The following RB1CC1 variants were observed in gnomAD, a reference collection of about 807,000 sequenced individuals.
RB1CC1 encodes the protein RB1-inducible coiled-coil protein 1.
RB1CC1 carries 46 observed loss-of-function variants against 177.5 expected under a neutral mutation model. That is an observed-to-expected ratio of 0.26 (90% CI 0.20 to 0.33). RB1CC1 has a LOEUF of 0.33. Ranked by LOEUF, RB1CC1 falls within the 10% of genes least tolerant of loss-of-function variation. The pLI is 1.00. For synonymous variants in RB1CC1, 666 were observed against 613.6 expected (o/e 1.09, Z -1.26); for missense variants, 1,703 against 1,816.3 (o/e 0.94, Z 1.13).
At chr8:52,691,191 T>C (rs1208056471) in intron 1 of RB1CC1, among the ~76,000 whole-genome samples, 1 of 152,228 alleles carries the variant, frequency 6.6e-6, no homozygotes, top group Non-Finnish European at 1.5e-5. Context: ...CTGCATGATC[T>C]ACAGCCAATA....
chr8:52,635,935 G>A, intron 19 of RB1CC1, 80 bp downstream of exon 19: 1 of 1,502,658 alleles, frequency 6.7e-7, no homozygotes, highest in Non-Finnish European at 9.0e-7. Flanking sequence ...ATAGTCTATT[G>A]TATGTTTCCA....
chr8:52,646,780 T>G (rs926169411), intron 15 of RB1CC1, among the ~76,000 whole-genome samples: 1 of 152,220 alleles, frequency 6.6e-6, no homozygotes, highest in Non-Finnish European at 1.5e-5. Context: ...TTAGTTTAAC[T>G]TCTAATTAAT....
rs186651156 is a variant in RB1CC1, at chr8:52,660,693, G to A, written c.1628-36C>T. The A allele has an allele frequency of 4.2e-3, 6,536 of 1,542,068 alleles. 23 individuals are homozygous for A. The highest frequency in any genetic ancestry group is 0.011 in the Middle Eastern group (59 of 5,472). ...AAATTAACAATATGGTTATTTTAGA[G>A]CTTTATTTAAGGCAAAAAATTATCT... On this transcript the variant is annotated intron_variant, in intron 11 of 23. Coordinates refer to ENST00000025008, the MANE Select transcript of RB1CC1 (RefSeq NM_014781.5).
chr8:52,656,628 C>T lies in RB1CC1; in HGVS notation c.3201G>A (p.Lys1067=), dbSNP rs1013744146. The change falls in exon 15 of 24, where the codon AAG becomes AAA. Residue 1067 remains lysine (K), a synonymous_variant. Coordinates refer to ENST00000025008, the MANE Select transcript of RB1CC1 (RefSeq NM_014781.5). ...TTTTTATTTCATCAGTTTCTGCTTC[C>T]TTCAACGCAAGTTCAACCTCTAACT... ...RCKLEVELAL[K]EAETDEIKIL... The T allele has an allele frequency of 5.6e-6, 9 of 1,613,688 alleles. No homozygotes were observed. The African/African-American group carries it at 1.1e-4, about 19-fold the overall frequency.
At chr8:52,627,970 AT>A (rs1352174734) in intron 22 of RB1CC1, 61 bp downstream of exon 22, 3 of 1,405,656 alleles carry the variant, frequency 2.1e-6, no homozygotes, top group Non-Finnish European at 2.8e-6. Flanking sequence ...GGAAAAAAAA[AT>A]CTTTACTTAT....
rs779148549 is a variant in RB1CC1, at chr8:52,668,135, T to C, written c.1059A>G (p.Lys353=). ...TGGCTTTCATATTCTGATTATCAAGTTTGGCAATAGTTTGACGGCATTCTG... is the reference window on the plus strand; with the variant it reads ...TGGCTTTCATATTCTGATTATCAAGCTTGGCAATAGTTTGACGGCATTCTG... ...FIAECRQTIA[K]LDNQNMKAIK... The change falls in exon 8 of 24, where the codon AAA becomes AAG. Residue 353 remains lysine (K), a synonymous_variant. Coordinates refer to ENST00000025008, the MANE Select transcript of RB1CC1 (RefSeq NM_014781.5). 8.2e-5 allele frequency: 133 copies of C among 1,613,998 alleles called. No individual in the cohort carries two copies. The highest frequency in any genetic ancestry group is 1.1e-4 in the Non-Finnish European group (126 of 1,179,998).
At chr8:52,658,725 T>G in intron 13 of RB1CC1, 148 bp downstream of exon 13, 1 of 447,188 alleles carries the variant, frequency 2.2e-6, no homozygotes, top group Non-Finnish European at 3.9e-6. Context: ...CCCCAGAAAT[T>G]TCTCAAAGCA....
intron 20 of RB1CC1, among the ~76,000 whole-genome samples, chr8:52,631,293 C>A (rs1590913922): frequency 6.6e-6 from 1 of 152,112 alleles, no homozygotes; most frequent in African/African-American, 2.4e-5. Context: ...AATGGTGAAA[C>A]CCCATCTCTA....
intron 18 of RB1CC1, among the ~76,000 whole-genome samples, chr8:52,637,511 T>C (rs1458362010): frequency 6.6e-6 from 1 of 152,106 alleles, no homozygotes; most frequent in Non-Finnish European, 1.5e-5. Context: ...CTCCAATTGA[T>C]TTTTGCACAC....
At chr8:52,649,964 G>C (rs1487375589) in intron 15 of RB1CC1, among the ~76,000 whole-genome samples, 7 of 152,140 alleles carry the variant, frequency 4.6e-5, no homozygotes, top group Non-Finnish European at 8.8e-5. Context: ...CTACATGTTG[G>C]CCATTTGTAT....
chr8:52,669,903 A>T (rs1852404561), intron 7 of RB1CC1, among the ~76,000 whole-genome samples: 1 of 152,226 alleles, frequency 6.6e-6, no homozygotes, highest in Non-Finnish European at 1.5e-5. Flanking sequence ...AACTGCACTG[A>T]CAAACATAGG....
Position 52,658,025 on chromosome 8 carries a change from G to T in RB1CC1, c.1893C>A (p.Thr631=). 1 of 1,613,948 alleles carries T rather than the reference G, an allele frequency of 6.2e-7. No individual in the cohort carries two copies. The highest frequency in any genetic ancestry group is 8.5e-7 in the Non-Finnish European group (1 of 1,179,976). Residue 631 remains threonine (T), a synonymous_variant, in exon 14 of 24, where the codon ACC becomes ACA. Transcript: ENST00000025008. ...TTTGTTCACTCAGTAGATCTGTAAT[G>T]GTCTGTGACATTTCATCCAAACTTT... ...AAQSLDEMSQ[T]ITDLLSEQKA... is the part of the protein sequence containing the mutation.
intron 1 of RB1CC1, among the ~76,000 whole-genome samples, chr8:52,699,823 AAAAAAAAATAT>A (rs1292076157): frequency 4.0e-5 from 4 of 99,968 alleles, no homozygotes; most frequent in Non-Finnish European, 6.3e-5. Flanking sequence ...AAAAAAAAAA[AAAAAAAAATAT>A]ATATATATAT....
chr8:52,657,939 T>A, intron 14 of RB1CC1, 31 bp from the exon 15 acceptor site: 3 of 1,612,616 alleles, frequency 1.9e-6, no homozygotes, highest in Non-Finnish European at 2.5e-6. Context: ...CTTAAAGAGC[T>A]GCAGGAACAC....
At chr8:52,667,624 A>C (rs2150527191) in intron 8 of RB1CC1, among the ~76,000 whole-genome samples, 1 of 152,294 alleles carries the variant, frequency 6.6e-6, no homozygotes, top group South Asian at 2.1e-4. Flanking sequence ...TCAGATCTAA[A>C]ACCTAGGTAT....
intron 8 of RB1CC1, among the ~76,000 whole-genome samples, chr8:52,666,470 A>AT (rs1852077279): frequency 6.6e-6 from 1 of 151,890 alleles, no homozygotes; most frequent in Non-Finnish European, 1.5e-5. Flanking sequence ...GTGAGACGAG[A>AT]TAGCGCCACT....
intron 7 of RB1CC1, among the ~76,000 whole-genome samples, chr8:52,669,333 T>C (rs185311992): frequency 1.3e-3 from 197 of 152,338 alleles, no homozygotes; most frequent in African/African-American, 4.7e-3. Flanking sequence ...ACCGTGTTTT[T>C]CTATCTCTGA....
At chr8:52,660,846 G>A (rs1851551921) in intron 11 of RB1CC1, 80 bp downstream of exon 11, 2 of 1,245,850 alleles carry the variant, frequency 1.6e-6, no homozygotes, top group African/African-American at 3.0e-5. Flanking sequence ...GCATATACAT[G>A]AAGTATGCTA....
At chr8:52,630,835 A>G (rs986987567) in intron 20 of RB1CC1, among the ~76,000 whole-genome samples, 5 of 152,224 alleles carry the variant, frequency 3.3e-5, no homozygotes, top group Non-Finnish European at 5.9e-5. Flanking sequence ...TAGATTCAAA[A>G]TCTTTCATTT....
Sources: gnomAD v4.1 joint callset for allele counts (sites outside exome capture counted in the v4.1 genomes callset) on GRCh38, gnomAD v4.1.1 for gene constraint, MANE v1.5 for transcripts, NCBI Gene and HGNC (gene_info 2026-07-23, HGNC 2026-07-21) for gene names.